The following GLMN variants were observed in gnomAD, a reference collection of about 807,000 sequenced individuals.
GLMN encodes glomulin.
Under a neutral mutation model 87.8 loss-of-function variants are expected in GLMN, and 75 were observed. The observed-to-expected ratio is 0.85, with a 90% CI of 0.71 to 1.04. The LOEUF is 1.04. GLMN is among the 50% of genes least tolerant of loss of function. The pLI is 0.00. For synonymous variants in GLMN, 206 were observed against 221.6 expected, an observed-to-expected ratio of 0.93 and a Z score of 0.63; for missense variants, 588 against 658.8, an observed-to-expected ratio of 0.89 and a Z score of 1.18.
At chr1:92,247,717 G>C (rs1328700753) in intron 17 of GLMN, among the ~76,000 whole-genome samples, 161 bp downstream of exon 17, 3 of 152,108 alleles carry the variant, frequency 2.0e-5, no homozygotes, top group Non-Finnish European at 4.4e-5. Context: ...AGGTAAATTA[G>C]CTTATAGATC....
At chr1:92,307,671 T>C in the GLMN span, among the ~76,000 whole-genome samples, 1 of 152,166 alleles carries the variant, frequency 6.6e-6, no homozygotes, top group Admixed American at 6.5e-5. Flanking sequence ...GTTCATTTAA[T>C]CTTTATAAAA....
At chr1:92,325,072 T>G in the GLMN span, among the ~76,000 whole-genome samples, 1 of 152,188 alleles carries the variant, frequency 6.6e-6, no homozygotes, top group Admixed American at 6.5e-5. Context: ...TAATTGGTAC[T>G]CAGTAAATAG....
the GLMN span, among the ~76,000 whole-genome samples, chr1:92,324,571 C>A: frequency 6.6e-6 from 1 of 152,126 alleles, no homozygotes. Flanking sequence ...TGACGTTTAC[C>A]CCTAGCAAAT....
the GLMN span, among the ~76,000 whole-genome samples, chr1:92,316,957 A>G: frequency 6.6e-6 from 1 of 152,200 alleles, no homozygotes; most frequent in Admixed American, 6.5e-5. Context: ...AGATCTAGAA[A>G]CAATGTTGAG....
At chr1:92,258,649 A>G (rs993574625) in intron 16 of GLMN, among the ~76,000 whole-genome samples, 23 of 152,198 alleles carry the variant, frequency 1.5e-4, no homozygotes, top group African/African-American at 5.3e-4. Flanking sequence ...AAACTAACAC[A>G]GGAACAGAAA....
chr1:92,359,115 G>C, the GLMN span, among the ~76,000 whole-genome samples: 385 of 152,208 alleles, frequency 2.5e-3, 3 homozygotes, highest in South Asian at 9.3e-3. Flanking sequence ...GTTAAACAAA[G>C]AGCAATGAGG....
At chr1:92,360,624 G>C in the GLMN span, among the ~76,000 whole-genome samples, 1 of 152,070 alleles carries the variant, frequency 6.6e-6, no homozygotes, top group Non-Finnish European at 1.5e-5. Context: ...CATCAAAGGT[G>C]TATTTGCCTC....
intron 7 of GLMN, among the ~76,000 whole-genome samples, chr1:92,274,164 T>C (rs1656565015): frequency 6.6e-6 from 1 of 151,812 alleles, no homozygotes; most frequent in Non-Finnish European, 1.5e-5. Context: ...CTGCTGGCTC[T>C]TTCTACTTGC....
chr1:92,266,184 A>G (rs902957566), intron 13 of GLMN, among the ~76,000 whole-genome samples: 4 of 152,210 alleles, frequency 2.6e-5, no homozygotes, highest in Admixed American at 2.6e-4. Context: ...ATTCCAATTG[A>G]TTGAACTGCA....
chr1:92,305,761 A>G, the GLMN span, among the ~76,000 whole-genome samples: 1 of 152,226 alleles, frequency 6.6e-6, no homozygotes, highest in African/African-American at 2.4e-5. Flanking sequence ...TCAGAGAAAT[A>G]GCAAATAAAA....
At chr1:92,304,322 TA>T in the GLMN span, 1 of 1,523,504 alleles carries the variant, frequency 6.6e-7, no homozygotes, top group Non-Finnish European at 9.0e-7. Flanking sequence ...CCAAAACCAA[TA>T]AAGTCTATGA....
intron 7 of GLMN, among the ~76,000 whole-genome samples, chr1:92,279,035 C>T (rs1647631445): frequency 6.6e-6 from 1 of 152,192 alleles, no homozygotes; most frequent in South Asian, 2.1e-4. Flanking sequence ...CTCCAAACAT[C>T]TGTCACCCAC....
chr1:92,320,718 G>A, the GLMN span: 1 of 1,067,854 alleles, frequency 9.4e-7, no homozygotes, highest in Non-Finnish European at 1.4e-6. Flanking sequence ...ATGAGCTCTT[G>A]GACTTCCTGT....
chr1:92,363,806 CA>C, the GLMN span: 4 of 273,528 alleles, frequency 1.5e-5, no homozygotes, highest in South Asian at 3.9e-5. Flanking sequence ...ATTTGCTTAA[CA>C]TTTTTTTTCC....
At chr1:92,352,448 G>GT in the GLMN span, among the ~76,000 whole-genome samples, 3 of 151,982 alleles carry the variant, frequency 2.0e-5, no homozygotes, top group Non-Finnish European at 2.9e-5. Flanking sequence ...TCAGCAGGCT[G>GT]TTTTTTTTTA....
At chr1:92,287,556 G>A (rs1648917815) in intron 6 of GLMN, among the ~76,000 whole-genome samples, 1 of 151,730 alleles carries the variant, frequency 6.6e-6, no homozygotes, top group South Asian at 2.1e-4. Flanking sequence ...GCCTAGGCTG[G>A]TCTCAAACTC....
chr1:92,259,998 G>C, intron 16 of GLMN, among the ~76,000 whole-genome samples: 1 of 152,026 alleles, frequency 6.6e-6, no homozygotes, highest in Non-Finnish European at 1.5e-5. Context: ...GCCTTCCAAA[G>C]AGCTGGGATT....
the GLMN span, chr1:92,333,594 C>T: frequency 0.84 from 614,875 of 729,380 alleles, 260,987 homozygotes; most frequent in East Asian, 1. Context: ...GTGAAAAGTT[C>T]ACATGGATTT....
chr1:92,338,435 T>C, the GLMN span, among the ~76,000 whole-genome samples: 1 of 152,202 alleles, frequency 6.6e-6, no homozygotes, highest in Non-Finnish European at 1.5e-5. Flanking sequence ...AGATACACTG[T>C]CTTATACCTA....
Sources: gnomAD v4.1 joint callset for allele counts (sites outside exome capture counted in the v4.1 genomes callset) on GRCh38, gnomAD v4.1.1 for gene constraint, MANE v1.5 for transcripts, NCBI Gene and HGNC (gene_info 2026-07-23, HGNC 2026-07-21) for gene names.